Variants in CDH13 observed in about 807,000 individuals in gnomAD.
The protein encoded by CDH13 is cadherin-13.
CDH13 carries 24 observed loss-of-function variants against 63.8 expected under a neutral mutation model. That is an observed-to-expected ratio of 0.38 (90% confidence interval 0.27 to 0.53). The LOEUF is 0.53. CDH13 is among the 20% of genes least tolerant of loss of function. The probability of loss-of-function intolerance (pLI) is 0.85; values close to 1 mark genes in which losing one functional copy is unlikely to be tolerated. For missense variants in CDH13, 1,049 were observed against 903.1 expected (o/e 1.16, Z -2.07); for synonymous variants, 503 against 355.3 (o/e 1.42, Z -4.67).
chr16:83,481,298 A>G (rs376295508), intron 6 of CDH13, among the ~76,000 whole-genome samples: 2 of 152,214 alleles, frequency 1.3e-5, no homozygotes, highest in Admixed American at 6.5e-5. Context: ...TGAGCCTGAC[A>G]CTTTTTGATC....
intron 7 of CDH13, among the ~76,000 whole-genome samples, chr16:83,528,526 A>G (rs1001231088): frequency 1.3e-5 from 2 of 152,150 alleles, no homozygotes; most frequent in African/African-American, 4.8e-5. Flanking sequence ...GGGTCGTCTA[A>G]GAGCCCTTGG....
chr16:83,436,335 T>C (rs1229416178), intron 6 of CDH13, among the ~76,000 whole-genome samples: 1 of 152,040 alleles, frequency 6.6e-6, no homozygotes, highest in East Asian at 1.9e-4. Flanking sequence ...TCTGAAGGAG[T>C]TGTCTTTTTT....
At chr16:83,623,220 G>A (rs1909973852) in intron 8 of CDH13, among the ~76,000 whole-genome samples, 1 of 152,100 alleles carries the variant, frequency 6.6e-6, no homozygotes. Context: ...GGGAGAGGTG[G>A]CACACACCCA....
rs750432481 is a variant in CDH13, at chr16:83,447,096, C to CTTTTTTTTTTTTTTTTTTTTTTTTTT, written c.782-39376_782-39351dup. Among the ~76,000 whole-genome samples, 70 of 41,518 alleles carry CTTTTTTTTTTTTTTTTTTTTTTTTTT rather than the reference C, an allele frequency of 1.7e-3. 22 individuals are homozygous for CTTTTTTTTTTTTTTTTTTTTTTTTTT. Among genetic ancestry groups the CTTTTTTTTTTTTTTTTTTTTTTTTTT allele is most frequent in the Non-Finnish European group, 2.9e-3 (62 of 21,118 alleles). The allele number at this position is 41,518 out of a possible 152,430, so 27.2% of individuals were successfully genotyped here. A position where few individuals can be genotyped will look rare whatever the true frequency, so the allele number is the denominator to read the frequency against. On this transcript the variant is annotated intron_variant, in intron 6 of 13. Coordinates refer to ENST00000567109, the MANE Select transcript of CDH13 (RefSeq NM_001257.5). ...AAAACAAAAAACACCTTATAGTAAC[C>CTTTTTTTTTTTTTTTTTTTTTTTTTT]TTTTTTTTTTTTTTTTTTTTTTTTT...
intron 4 of CDH13, among the ~76,000 whole-genome samples, chr16:83,158,985 A>G (rs1485074823): frequency 6.6e-6 from 1 of 152,196 alleles, no homozygotes; most frequent in Non-Finnish European, 1.5e-5. Context: ...TCTGAATTTC[A>G]TCCTTTGCCT....
At chr16:83,329,481 G>T (rs970197532) in intron 5 of CDH13, among the ~76,000 whole-genome samples, 1 of 151,722 alleles carries the variant, frequency 6.6e-6, no homozygotes, top group African/African-American at 2.4e-5. Flanking sequence ...AGGTGATGTG[G>T]CCACCTCGAT....
intron 7 of CDH13, among the ~76,000 whole-genome samples, chr16:83,524,610 A>T (rs1037052218): frequency 3.3e-5 from 5 of 150,548 alleles, no homozygotes; most frequent in Admixed American, 3.3e-4. Flanking sequence ...CTGCCACCAC[A>T]CCCAGCTAAT....
chr16:83,790,425 A>T (rs1249323989), intron 13 of CDH13, among the ~76,000 whole-genome samples: 1 of 152,058 alleles, frequency 6.6e-6, no homozygotes, highest in African/African-American at 2.4e-5. Flanking sequence ...TTTTTCACAG[A>T]GTCTTGCTGT....
At chr16:82,859,715 C>G (rs1343769797) in intron 2 of CDH13, 4 of 145,720 alleles carry the variant, frequency 2.7e-5, no homozygotes, top group Non-Finnish European at 3.0e-5. Context: ...ATGTGGCTGA[C>G]AAGTTTAAAG....
chr16:83,351,261 A>G (rs931667888), intron 6 of CDH13, among the ~76,000 whole-genome samples: 2 of 148,432 alleles, frequency 1.3e-5, no homozygotes, highest in African/African-American at 4.9e-5. Flanking sequence ...TTTCTGGAAT[A>G]TCAGGCATGT....
rs145304126 is a variant in CDH13 at position 83,149,285 on chromosome 16, G to A, written c.483+23784G>A. On this transcript the variant is annotated intron_variant, in intron 4 of 13. Transcript: ENST00000567109. ...CTCTAAGGTTATTCCATTAAACAAA[G>A]CAGAGAATACACATTTATACTCATT... 1.9e-3 allele frequency among the ~76,000 whole-genome samples: 294 copies of A among 152,316 alleles called. 1 individual carries two copies. Among genetic ancestry groups the A allele is most frequent in the African/African-American group, 6.5e-3 (272 of 41,576 alleles).
At chr16:83,470,055 A>G (rs2073415870) in intron 6 of CDH13, among the ~76,000 whole-genome samples, 1 of 152,166 alleles carries the variant, frequency 6.6e-6, no homozygotes, top group South Asian at 2.1e-4. Flanking sequence ...AGTACAAGAT[A>G]TCCTGCTTCA....
intron 10 of CDH13, among the ~76,000 whole-genome samples, chr16:83,689,743 G>T (rs143154908): frequency 7.8e-4 from 119 of 152,296 alleles, no homozygotes; most frequent in African/African-American, 2.8e-3. Flanking sequence ...GGGTCCCTGA[G>T]TGTAGGCTGC....
At chr16:83,020,604 G>T (rs1915257536) in intron 2 of CDH13, among the ~76,000 whole-genome samples, 1 of 152,246 alleles carries the variant, frequency 6.6e-6, no homozygotes, top group Non-Finnish European at 1.5e-5. Context: ...GTTGTCTGTG[G>T]TTTGTGAATC....
chr16:83,306,610 T>G (rs559207202), intron 5 of CDH13, among the ~76,000 whole-genome samples: 108 of 152,324 alleles, frequency 7.1e-4, no homozygotes, highest in African/African-American at 2.5e-3. Flanking sequence ...TGAGCTAAAT[T>G]ATAATAATTC....
At chr16:83,271,263 C>A (rs528020480) in intron 5 of CDH13, among the ~76,000 whole-genome samples, 2 of 151,140 alleles carry the variant, frequency 1.3e-5, no homozygotes, top group South Asian at 2.1e-4. Flanking sequence ...CTAAAACTTG[C>A]TCATCTTCTT....
At chr16:82,650,685 A>G (rs958438793) in intron 1 of CDH13, among the ~76,000 whole-genome samples, 3 of 152,142 alleles carry the variant, frequency 2.0e-5, no homozygotes, top group African/African-American at 4.8e-5. Flanking sequence ...AGAAAACTGT[A>G]TCTGTGCTCA....
intron 6 of CDH13, among the ~76,000 whole-genome samples, chr16:83,443,983 T>C (rs1598033931): frequency 6.7e-6 from 1 of 149,302 alleles, no homozygotes; most frequent in East Asian, 1.9e-4. Context: ...GTGATGGTGT[T>C]GATTATGATG....
intron 6 of CDH13, among the ~76,000 whole-genome samples, chr16:83,391,241 C>T (rs542159510): frequency 1.3e-5 from 2 of 151,764 alleles, no homozygotes; most frequent in African/African-American, 4.8e-5. Context: ...GCGTCTTACC[C>T]GTCGCCCAGG....
Sources: allele counts gnomAD v4.1 joint callset (sites outside exome capture counted in the v4.1 genomes callset), GRCh38; gene constraint gnomAD v4.1.1; transcripts MANE v1.5; gene names NCBI Gene and HGNC (gene_info 2026-07-23, HGNC 2026-07-21).